The following CFAP299 variants were observed in gnomAD, a reference collection of about 807,000 sequenced individuals.
CFAP299 encodes cilia and flagella associated protein 299.
Under a neutral mutation model 27.0 loss-of-function variants are expected in CFAP299, and 21 were observed. The observed-to-expected ratio is 0.78, with a 90% CI of 0.55 to 1.12. The LOEUF is 1.12. CFAP299 is among the 50% of genes most tolerant of loss of function. The probability of loss-of-function intolerance (pLI) is 0.00; values close to 1 mark genes in which losing one functional copy is unlikely to be tolerated. For missense variants in CFAP299, 310 were observed against 276.6 expected (o/e 1.12, Z -0.86); for synonymous variants, 104 against 98.1 (o/e 1.06, Z -0.36).
the CFAP299 span, among the ~76,000 whole-genome samples, chr4:80,324,889 G>A: frequency 3.3e-5 from 5 of 152,168 alleles, no homozygotes; most frequent in Admixed American, 6.5e-5. Context: ...TTGGGAGGCC[G>A]AGGGGGTTGG....
intron 3 of CFAP299, among the ~76,000 whole-genome samples, chr4:80,784,783 A>C (rs906495620): frequency 6.6e-6 from 1 of 152,000 alleles, no homozygotes; most frequent in African/African-American, 2.4e-5. Flanking sequence ...TCAGCCTCCC[A>C]AAGTGCTGGG....
rs182473737 is a variant in CFAP299, at chr4:80,962,240, A to C, written c.607-1277A>C. Among the ~76,000 whole-genome samples, 198 of 152,138 alleles carry C rather than the reference A, an allele frequency of 1.3e-3. 3 individuals are homozygous for C. In the East Asian group the frequency reaches 0.031, roughly 24 times the overall value. Reference sequence around the variant, plus strand: ...TGCAGCTATAACATAAATTTTCAAAAGATTTCATTTAATTCATTAATTATA... The same window carrying C: ...TGCAGCTATAACATAAATTTTCAAACGATTTCATTTAATTCATTAATTATA... On this transcript the variant is annotated intron_variant, in intron 5 of 5. Coordinates refer to ENST00000358105, the MANE Select transcript of CFAP299 (RefSeq NM_152770.3).
chr4:80,617,011 A>G (rs1738326681), intron 3 of CFAP299, among the ~76,000 whole-genome samples: 1 of 152,196 alleles, frequency 6.6e-6, no homozygotes, highest in South Asian at 2.1e-4. Flanking sequence ...GAATATAACT[A>G]TAGATCCAGC....
intron 2 of CFAP299, among the ~76,000 whole-genome samples, chr4:80,367,467 C>T (rs1264331773): frequency 1.3e-5 from 2 of 152,032 alleles, no homozygotes; most frequent in African/African-American, 4.8e-5. Context: ...ATTTTCTTTA[C>T]TTCTTTGTCT....
the CFAP299 span, among the ~76,000 whole-genome samples, chr4:80,326,833 C>G: frequency 6.6e-6 from 1 of 152,066 alleles, no homozygotes; most frequent in Non-Finnish European, 1.5e-5. Flanking sequence ...ATAAGTGTAT[C>G]TATAATTACA....
At chr4:80,929,400 GTGGCACCACTATCCATCCAGTCTCTA>G (rs1398521850) in intron 4 of CFAP299, among the ~76,000 whole-genome samples, 6 of 149,036 alleles carry the variant, frequency 4.0e-5, no homozygotes, top group South Asian at 4.3e-4. Flanking sequence ...TCCAGTCTCT[GTGGCACCACTATCCATCCAGTCTCTA>G]TGGCACCACT....
intron 1 of CFAP299, among the ~76,000 whole-genome samples, chr4:80,349,323 G>C (rs1722910063): frequency 6.6e-6 from 1 of 152,110 alleles, no homozygotes; most frequent in African/African-American, 2.4e-5. Context: ...AAAATTATGG[G>C]AAATGAAGTT....
intron 2 of CFAP299, among the ~76,000 whole-genome samples, chr4:80,506,238 A>G (rs1297200552): frequency 6.6e-6 from 1 of 152,128 alleles, no homozygotes; most frequent in African/African-American, 2.4e-5. Flanking sequence ...TTCTCATTTT[A>G]AAAAGTTTTG....
intron 5 of CFAP299, among the ~76,000 whole-genome samples, chr4:80,960,870 A>G (rs886767017): frequency 2.0e-5 from 3 of 151,874 alleles, no homozygotes; most frequent in Non-Finnish European, 4.4e-5. Context: ...AAATTAATAC[A>G]TTCATTAACA....
chr4:80,538,097 C>A (rs1366271194), intron 2 of CFAP299, among the ~76,000 whole-genome samples: 1 of 152,032 alleles, frequency 6.6e-6, no homozygotes, highest in Non-Finnish European at 1.5e-5. Flanking sequence ...CTGGTGACAT[C>A]GTAGCTATTG....
chr4:80,617,430 T>C (rs1738348168), intron 3 of CFAP299, among the ~76,000 whole-genome samples: 1 of 152,136 alleles, frequency 6.6e-6, no homozygotes, highest in Admixed American at 6.6e-5. Context: ...AGCTTTTTGT[T>C]CTTTGCAGAG....
At chr4:80,386,770 G>A in intron 2 of CFAP299, 5 of 1,351,716 alleles carry the variant, frequency 3.7e-6, no homozygotes, top group Non-Finnish European at 5.3e-6. Context: ...CCGGCCGGTT[G>A]AACAACTTAC....
intron 3 of CFAP299, 130 bp downstream of exon 3, chr4:80,583,313 A>G: frequency 4.2e-6 from 2 of 479,188 alleles, no homozygotes; most frequent in South Asian, 9.6e-5. Context: ...TTTATTAATT[A>G]TATATTATAG....
At chr4:80,499,336 T>C (rs1291616605) in intron 2 of CFAP299, among the ~76,000 whole-genome samples, 1 of 152,134 alleles carries the variant, frequency 6.6e-6, no homozygotes, top group Non-Finnish European at 1.5e-5. Flanking sequence ...GCTATAATAA[T>C]TTGGATGCAT....
At chr4:80,332,194 C>A (rs887218945), upstream of CFAP299, among the ~76,000 whole-genome samples, 1 of 152,142 alleles carries the variant, frequency 6.6e-6, no homozygotes, top group African/African-American at 2.4e-5. Flanking sequence ...AATCGTGGAG[C>A]AGTGCGTAAA....
intron 2 of CFAP299, chr4:80,386,249 C>T: frequency 1.8e-6 from 2 of 1,139,868 alleles, no homozygotes; most frequent in Non-Finnish European, 1.3e-6. Context: ...GCCTGCAGCC[C>T]CGCCAGAGCC....
chr4:80,555,236 C>T (rs1344002993), intron 2 of CFAP299, among the ~76,000 whole-genome samples: 1 of 152,054 alleles, frequency 6.6e-6, no homozygotes, highest in African/African-American at 2.4e-5. Context: ...AATGCCTTTT[C>T]TGTGTCTATT....
At chr4:80,573,112 T>C (rs1387770589) in intron 2 of CFAP299, among the ~76,000 whole-genome samples, 2 of 152,128 alleles carry the variant, frequency 1.3e-5, no homozygotes, top group African/African-American at 4.8e-5. Flanking sequence ...TTCTCTTTTC[T>C]CCACATGGTC....
intron 3 of CFAP299, among the ~76,000 whole-genome samples, chr4:80,604,882 T>C (rs1377592738): frequency 1.5e-5 from 1 of 66,018 alleles, no homozygotes; most frequent in Non-Finnish European, 2.9e-5. Context: ...CAGAGGACAA[T>C]ATAATACCAG....
Sources: gnomAD v4.1 joint callset for allele counts (sites outside exome capture counted in the v4.1 genomes callset) on GRCh38, gnomAD v4.1.1 for gene constraint, MANE v1.5 for transcripts, NCBI Gene and HGNC (gene_info 2026-07-23, HGNC 2026-07-21) for gene names.